The following REDIC1 variants were observed in gnomAD, a reference collection of about 807,000 sequenced individuals.
REDIC1 encodes HEI10 Interacting Protein 1.
chr12:39,735,073 A>G, the REDIC1 span, among the ~76,000 whole-genome samples: 1 of 152,204 alleles, frequency 6.6e-6, no homozygotes, highest in East Asian at 1.9e-4. Flanking sequence ...AAGCCACTAA[A>G]TTTTGAGAAG....
chr12:39,906,033 A>G, the REDIC1 span, among the ~76,000 whole-genome samples: 1 of 152,172 alleles, frequency 6.6e-6, no homozygotes, highest in Non-Finnish European at 1.5e-5. Flanking sequence ...GTAAAACACC[A>G]TAAATGCTAA....
At chr12:39,788,528 T>C in the REDIC1 span, 1 of 152,156 alleles carries the variant, frequency 6.6e-6, no homozygotes, top group East Asian at 1.9e-4. Flanking sequence ...AATTTAAAAC[T>C]TATAATTGTT....
the REDIC1 span, among the ~76,000 whole-genome samples, chr12:39,717,160 A>ATATGT: frequency 6.6e-6 from 1 of 150,972 alleles, no homozygotes; most frequent in African/African-American, 2.4e-5. Context: ...ATATACACAC[A>ATATGT]TACACACACA....
At chr12:39,751,452 T>G in the REDIC1 span, among the ~76,000 whole-genome samples, 3 of 152,220 alleles carry the variant, frequency 2.0e-5, no homozygotes, top group African/African-American at 4.8e-5. Flanking sequence ...ACACTGTTGG[T>G]GGGACTGTAA....
the REDIC1 span, among the ~76,000 whole-genome samples, chr12:39,838,415 G>A: frequency 9.6e-5 from 14 of 146,050 alleles, no homozygotes; most frequent in African/African-American, 3.6e-4. Context: ...TGGGTGCAGC[G>A]CACCAGCATG....
chr12:39,814,756 T>C, the REDIC1 span, among the ~76,000 whole-genome samples: 1 of 152,168 alleles, frequency 6.6e-6, no homozygotes, highest in Non-Finnish European at 1.5e-5. Flanking sequence ...AGAAAGAAAT[T>C]TTAAATTTCA....
At chr12:39,696,339 C>T in the REDIC1 span, among the ~76,000 whole-genome samples, 3 of 150,874 alleles carry the variant, frequency 2.0e-5, no homozygotes, top group South Asian at 2.1e-4. Flanking sequence ...GTCAGGAGAT[C>T]GAGACCATCC....
At chr12:39,896,055 T>C in the REDIC1 span, among the ~76,000 whole-genome samples, 1 of 132,816 alleles carries the variant, frequency 7.5e-6, no homozygotes, top group Non-Finnish European at 1.6e-5. Flanking sequence ...CGCATGTATA[T>C]ATGCATACAT....
chr12:39,692,292 G>C, the REDIC1 span: 1 of 514,690 alleles, frequency 1.9e-6, no homozygotes, highest in African/African-American at 2.0e-5. Flanking sequence ...AAATATACAT[G>C]AGTACATTAA....
the REDIC1 span, among the ~76,000 whole-genome samples, chr12:39,677,409 A>G: frequency 1.3e-5 from 2 of 152,162 alleles, no homozygotes; most frequent in African/African-American, 2.4e-5. Context: ...TCCTAAATAC[A>G]TATGCACCTA....
the REDIC1 span, among the ~76,000 whole-genome samples, chr12:39,795,395 C>A: frequency 6.6e-6 from 1 of 152,020 alleles, no homozygotes; most frequent in Non-Finnish European, 1.5e-5. Flanking sequence ...TGCTTATTGT[C>A]TGCTCATATT....
chr12:39,657,975 T>G, the REDIC1 span, among the ~76,000 whole-genome samples: 2 of 152,188 alleles, frequency 1.3e-5, no homozygotes, highest in Non-Finnish European at 2.9e-5. Context: ...GAAACCATTC[T>G]TCTTTACTAA....
the REDIC1 span, among the ~76,000 whole-genome samples, chr12:39,649,652 A>T: frequency 2.0e-5 from 3 of 151,184 alleles, no homozygotes; most frequent in African/African-American, 7.3e-5. Flanking sequence ...CATGAGTTAT[A>T]AATCAAATGT....
At chr12:39,673,060 C>G in the REDIC1 span, among the ~76,000 whole-genome samples, 1 of 152,036 alleles carries the variant, frequency 6.6e-6, no homozygotes, top group African/African-American at 2.4e-5. Context: ...TGCTGGGGAT[C>G]TCTCATTTAA....
chr12:39,731,951 C>A, the REDIC1 span, among the ~76,000 whole-genome samples: 1 of 152,122 alleles, frequency 6.6e-6, no homozygotes, highest in South Asian at 2.1e-4. Flanking sequence ...CTAACCTCCA[C>A]CCAAGTGAAA....
the REDIC1 span, among the ~76,000 whole-genome samples, chr12:39,702,952 C>T: frequency 2.6e-5 from 4 of 152,080 alleles, no homozygotes; most frequent in Non-Finnish European, 4.4e-5. Flanking sequence ...TAAGAGCTAT[C>T]TATGACAAAC....
chr12:39,758,685 G>A, the REDIC1 span: 13 of 151,832 alleles, frequency 8.6e-5, no homozygotes, highest in Non-Finnish European at 1.2e-4. Context: ...TCTTATAGAC[G>A]TGCTATATTA....
chr12:39,851,479 G>C, the REDIC1 span, among the ~76,000 whole-genome samples: 3 of 152,144 alleles, frequency 2.0e-5, no homozygotes, highest in Admixed American at 6.5e-5. Context: ...TTAGTGTAAA[G>C]GTTAGTGATT....
the REDIC1 span, among the ~76,000 whole-genome samples, chr12:39,838,673 G>C: frequency 6.6e-6 from 1 of 152,090 alleles, no homozygotes; most frequent in Non-Finnish European, 1.5e-5. Flanking sequence ...GAGAAAGGAT[G>C]GCCTATTTTC....
Sources: gnomAD v4.1 joint callset for allele counts (sites outside exome capture counted in the v4.1 genomes callset) on GRCh38, gnomAD v4.1.1 for gene constraint, MANE v1.5 for transcripts, NCBI Gene and HGNC (gene_info 2026-07-23, HGNC 2026-07-21) for gene names.